The following PASD1 variants were observed in gnomAD, a reference collection of about 807,000 sequenced individuals.
PASD1 encodes the protein circadian clock protein PASD1.
Under a neutral mutation model 58.8 loss-of-function variants are expected in PASD1, and 13 were observed. The observed-to-expected ratio is 0.22, with a 90% confidence interval of 0.14 to 0.35. PASD1 has a LOEUF of 0.35. Among genes scored for constraint, PASD1 ranks in the 10% least tolerant of loss-of-function variants. The pLI is 1.00. For missense variants in PASD1, 734 were observed against 568.3 expected, an observed-to-expected ratio of 1.29 and a Z score of -2.96; for synonymous variants, 236 against 216.7, an observed-to-expected ratio of 1.09 and a Z score of -0.78.
chrX:151,653,191 T>C (rs1170900417), intron 9 of PASD1, among the ~76,000 whole-genome samples: 1 of 87,681 alleles, frequency 1.1e-5, no homozygotes, highest in East Asian at 3.0e-4. Context: ...TATATATATA[T>C]ATATATTTTT....
chrX:151,627,890 C>T (rs1352562947), intron 8 of PASD1, among the ~76,000 whole-genome samples: 51 of 111,386 alleles, frequency 4.6e-4, no homozygotes, highest in African/African-American at 1.3e-3. Context: ...TTTTAATGAT[C>T]GCCATTCTAA....
At chrX:151,610,319 C>T (rs766125708) in intron 3 of PASD1, among the ~76,000 whole-genome samples, 2 of 111,522 alleles carry the variant, frequency 1.8e-5, no homozygotes, top group Non-Finnish European at 3.8e-5. Context: ...TGTGTTCTAA[C>T]ATGCTACTTA....
rs765356544 is a variant in PASD1 at position 151,674,637 on chromosome X, G to A, written c.2175+451G>A. On this transcript the variant is annotated intron_variant, in intron 15 of 15. Coordinates refer to ENST00000370357, the MANE Select transcript of PASD1 (RefSeq NM_173493.3). ...TTGGTATCCATCTATGGGGTACCCC[G>A]TATTTGGAAGGGCAGGCCTACCTTG... Among the ~76,000 whole-genome samples, 19 of 112,564 alleles carry A rather than the reference G, an allele frequency of 1.7e-4. 1 individual carries two copies. The highest frequency in any genetic ancestry group is 3.9e-4 in the African/African-American group (12 of 30,985).
At chrX:151,565,591 G>A (rs888276983) in intron 1 of PASD1, among the ~76,000 whole-genome samples, 1 of 90,391 alleles carries the variant, frequency 1.1e-5, no homozygotes, top group Non-Finnish European at 2.1e-5. Flanking sequence ...ACGGAGTCTC[G>A]CTCTCAACCA....
intron 1 of PASD1, among the ~76,000 whole-genome samples, chrX:151,581,253 A>G (rs1232521228): frequency 1.1e-3 from 103 of 97,876 alleles, no homozygotes; most frequent in African/African-American, 3.3e-3. Context: ...AAAAAAAAAA[A>G]GTAACAGAAC....
chrX:151,668,940 GT>G (rs1447206018), intron 11 of PASD1, among the ~76,000 whole-genome samples: 1 of 105,791 alleles, frequency 9.5e-6, no homozygotes, highest in Admixed American at 1.0e-4. Flanking sequence ...CAGAGATGGG[GT>G]TTTTGCTTTG....
At chrX:151,662,243 A>G (rs1450496988) in intron 10 of PASD1, among the ~76,000 whole-genome samples, 1 of 110,100 alleles carries the variant, frequency 9.1e-6, no homozygotes, top group Non-Finnish European at 1.9e-5. Flanking sequence ...TTACATCAGG[A>G]TGAATCCATG....
intron 1 of PASD1, among the ~76,000 whole-genome samples, chrX:151,577,599 A>T (rs2124226638): frequency 9.0e-6 from 1 of 111,657 alleles, no homozygotes; most frequent in African/African-American, 3.3e-5. Context: ...ATCTCGACTC[A>T]CCAAAACCTC....
At chrX:151,669,669 T>C (rs1005447371) in intron 11 of PASD1, among the ~76,000 whole-genome samples, 2 of 111,808 alleles carry the variant, frequency 1.8e-5, no homozygotes, top group Non-Finnish European at 3.8e-5. Flanking sequence ...ACCTGGCTTA[T>C]TTCACTTAAC....
chrX:151,594,961 G>A (rs1432367716), intron 1 of PASD1, among the ~76,000 whole-genome samples: 1 of 111,726 alleles, frequency 9.0e-6, no homozygotes, highest in African/African-American at 3.3e-5. Flanking sequence ...CTTTAAAGAT[G>A]TTTCATTGTC....
At chrX:151,625,210 A>G (rs2013768013) in intron 7 of PASD1, among the ~76,000 whole-genome samples, 1 of 111,699 alleles carries the variant, frequency 9.0e-6, no homozygotes, top group African/African-American at 3.3e-5. Flanking sequence ...AGAGGGATGA[A>G]CTCACAGTTC....
At chrX:151,604,528 C>T (rs919785149) in intron 2 of PASD1, 118 bp from the exon 3 acceptor site, 19 of 481,416 alleles carry the variant, frequency 3.9e-5, no homozygotes, top group African/African-American at 3.9e-4. Flanking sequence ...CATTAGCACT[C>T]AGCATTTTCT....
At chrX:151,640,966 T>G (rs1347813639) in intron 8 of PASD1, 1 of 111,862 alleles carries the variant, frequency 8.9e-6, no homozygotes, top group Non-Finnish European at 1.9e-5. Context: ...GAGTTTTTGT[T>G]GACTTAGTAT....
intron 7 of PASD1, among the ~76,000 whole-genome samples, chrX:151,624,078 A>G (rs781128129): frequency 7.2e-5 from 8 of 111,656 alleles, no homozygotes; most frequent in Non-Finnish European, 1.5e-4. Flanking sequence ...TGGCTGAGAA[A>G]TGGAGTACAG....
At position 151,615,331 on chromosome X, in the gene PASD1, T is replaced by C. The variant is rs181286964; in HGVS notation, c.207+3578T>C. ...ACACACGCCCCCCAAAACCACAAGG[T>C]CTAGAGAGGTGTCTGGGACATGTGC... On this transcript the variant is annotated intron_variant, in intron 4 of 15. Coordinates refer to ENST00000370357, the MANE Select transcript of PASD1 (RefSeq NM_173493.3). Among the ~76,000 whole-genome samples the C allele has an allele frequency of 6.1e-3, 684 of 111,298 alleles. 2 individuals carry two copies. Among genetic ancestry groups the C allele is most frequent in the Middle Eastern group, 0.014 (3 of 216 alleles).
chrX:151,645,904 T>TTTGTTTTGTTTTG (rs60564694), intron 8 of PASD1: 37,905 of 106,505 alleles, frequency 0.36, 5,678 homozygotes, highest in East Asian at 0.81. Flanking sequence ...TGTGAGGTGT[T>TTTGTTTTGTTTTG]TTTTGTTTTG....
intron 9 of PASD1, among the ~76,000 whole-genome samples, chrX:151,658,073 C>G (rs1265794643): frequency 1.8e-5 from 2 of 111,528 alleles, no homozygotes; most frequent in Non-Finnish European, 3.8e-5. Flanking sequence ...TACATATTTG[C>G]AGTTTACATA....
At chrX:151,650,809 T>C (rs1291139997) in intron 9 of PASD1, among the ~76,000 whole-genome samples, 1 of 111,704 alleles carries the variant, frequency 9.0e-6, no homozygotes, top group African/African-American at 3.3e-5. Context: ...GCTTACTACA[T>C]AGCAAGTTTC....
rs2013700140 is a variant in PASD1 at position 151,621,019 on chromosome X, A to G, written c.297A>G (p.Leu99=). 1.7e-6 allele frequency: 2 copies of G among 1,184,615 alleles called. No individual in the cohort carries two copies. Among genetic ancestry groups the G allele is most frequent in the African/African-American group, 3.5e-5 (2 of 57,227 alleles). Residue 99 remains leucine (L), a synonymous_variant, in exon 5 of 16, where the codon TTA becomes TTG. Transcript: ENST00000370357. ...VYQKIILKFP[L]LNSETHIEFC... is the part of the protein sequence containing the mutation. ...AAAAGATTATTCTCAAATTTCCTTT[A>G]CTAAACTCAGGTATGTATATTTTTA...
Sources: allele counts gnomAD v4.1 joint callset (sites outside exome capture counted in the v4.1 genomes callset), GRCh38; gene constraint gnomAD v4.1.1; transcripts MANE v1.5; gene names NCBI Gene and HGNC (gene_info 2026-07-23, HGNC 2026-07-21).